SHROOM2: variants seen among roughly 807,000 people sequenced by gnomAD.
SHROOM2 encodes the protein protein Shroom2.
A neutral mutation model predicts 75.9 loss-of-function variants in SHROOM2; 33 were observed. That is an observed-to-expected ratio of 0.43 (90% CI 0.33 to 0.58). The LOEUF (loss-of-function observed/expected upper bound fraction) is 0.58, where lower values mean the gene tolerates loss of function less well. SHROOM2 is among the 20% of genes least tolerant of loss of function. The pLI is 0.04. For synonymous variants in SHROOM2, 655 were observed against 663.6 expected, an observed-to-expected ratio of 0.99 and a Z score of 0.20; for missense variants, 1,434 against 1,461.2, an observed-to-expected ratio of 0.98 and a Z score of 0.30.
At chrX:9,794,882 G>A (rs1035726476) in intron 1 of SHROOM2, among the ~76,000 whole-genome samples, 6 of 111,154 alleles carry the variant, frequency 5.4e-5, no homozygotes, top group African/African-American at 1.6e-4. Context: ...CAGACACACC[G>A]GGGGTCATCT....
At chrX:9,906,382 T>C (rs1235482816) in intron 5 of SHROOM2, among the ~76,000 whole-genome samples, 1 of 112,052 alleles carries the variant, frequency 8.9e-6, no homozygotes, top group East Asian at 2.8e-4. Context: ...TGCTGTGATA[T>C]ACTAAAAACT....
chrX:9,865,297 G>C (rs2084128721), intron 1 of SHROOM2: 1 of 111,684 alleles, frequency 9.0e-6, no homozygotes, highest in African/African-American at 3.3e-5. Context: ...TAAAAAACTT[G>C]CATTTACAAA....
intron 1 of SHROOM2, among the ~76,000 whole-genome samples, chrX:9,824,572 C>G (rs2083878638): frequency 8.9e-6 from 1 of 112,080 alleles, no homozygotes; most frequent in Non-Finnish European, 1.9e-5. Context: ...CTCTTCCTCC[C>G]CTCCCCACAA....
chrX:9,789,663 TG>T (rs1310200895), intron 1 of SHROOM2, among the ~76,000 whole-genome samples: 1 of 111,071 alleles, frequency 9.0e-6, no homozygotes, highest in Non-Finnish European at 1.9e-5. Context: ...CAAAGCTGTT[TG>T]GGGGATTCAT....
chrX:9,803,293 C>T (rs1295763247), intron 1 of SHROOM2, among the ~76,000 whole-genome samples: 2 of 111,251 alleles, frequency 1.8e-5, no homozygotes, highest in East Asian at 5.6e-4. Context: ...ACACTCAAGC[C>T]TATCTTACTG....
At chrX:9,801,516 T>C (rs767481040) in intron 1 of SHROOM2, among the ~76,000 whole-genome samples, 5 of 112,566 alleles carry the variant, frequency 4.4e-5, no homozygotes, top group Non-Finnish European at 9.4e-5. Context: ...CTGGTTCAAA[T>C]TGAGATATAC....
chrX:9,919,324 C>CTTTTTTTTT (rs55905923), intron 5 of SHROOM2, among the ~76,000 whole-genome samples: 3 of 32,456 alleles, frequency 9.2e-5, no homozygotes, highest in African/African-American at 4.0e-4. Flanking sequence ...GAGGAGGTTG[C>CTTTTTTTTT]TTTTTTTTTT....
At chrX:9,855,304 A>T (rs1490080631) in intron 1 of SHROOM2, among the ~76,000 whole-genome samples, 1 of 104,220 alleles carries the variant, frequency 9.6e-6, no homozygotes, top group African/African-American at 3.5e-5. Flanking sequence ...GTAAAAAAAA[A>T]AAAAAAAAAA....
At chrX:9,892,841 C>G (rs1197855846) in intron 3 of SHROOM2, among the ~76,000 whole-genome samples, 2 of 112,385 alleles carry the variant, frequency 1.8e-5, no homozygotes, top group Non-Finnish European at 3.8e-5. Flanking sequence ...ACAGCTTCTT[C>G]CTGTTGAAGG....
Position 9,848,445 on chromosome X carries a change from A to G in SHROOM2, c.166-25207A>G, listed in dbSNP as rs1027887882. On this transcript the variant is annotated intron_variant, in intron 1 of 9. Coordinates refer to ENST00000380913, the MANE Select transcript of SHROOM2 (RefSeq NM_001649.4). ...CGTGAACCCGGGAAGCGGAGCTTGC[A>G]GTGAGCCGAGATTGCGCCACTGCAG... 1.1e-4 allele frequency among the ~76,000 whole-genome samples: 10 copies of G among 87,155 alleles called. No individual in the cohort carries two copies. The Admixed American group carries it at 1.3e-3, about 11-fold the overall frequency. The allele number at this position is 87,155 out of a possible 115,157, so 75.7% of individuals were successfully genotyped here. A position where few individuals can be genotyped will look rare whatever the true frequency, so the allele number is the denominator to read the frequency against.
chrX:9,827,223 C>CTTT (rs397953893), intron 1 of SHROOM2, among the ~76,000 whole-genome samples: 3 of 60,153 alleles, frequency 5.0e-5, no homozygotes, highest in Admixed American at 2.7e-4. Context: ...TTTTCTTTTT[C>CTTT]TTTTTTTTTT....
At chrX:9,934,928 A>G (rs760910735) in intron 6 of SHROOM2, among the ~76,000 whole-genome samples, 14 of 110,630 alleles carry the variant, frequency 1.3e-4, no homozygotes, top group Admixed American at 3.9e-4. Context: ...ACCTGCCACC[A>G]CACCAGGCTG....
chrX:9,855,090 C>T (rs1242110418), intron 1 of SHROOM2, among the ~76,000 whole-genome samples: 1 of 104,708 alleles, frequency 9.6e-6, no homozygotes, highest in East Asian at 3.0e-4. Flanking sequence ...AAAAAAAAGG[C>T]ATCCTCATTG....
intron 1 of SHROOM2, among the ~76,000 whole-genome samples, chrX:9,868,223 TTTTTA>T (rs2146791941): frequency 9.4e-6 from 1 of 106,136 alleles, no homozygotes; most frequent in South Asian, 4.1e-4. Flanking sequence ...TTTATTTTTA[TTTTTA>T]TTTTTATTTT....
chrX:9,833,954 A>G (rs1029098774), intron 1 of SHROOM2, among the ~76,000 whole-genome samples: 2 of 111,467 alleles, frequency 1.8e-5, no homozygotes, highest in African/African-American at 6.5e-5. Context: ...AAGGAAGGAT[A>G]TGTTCCTCCC....
intron 5 of SHROOM2, among the ~76,000 whole-genome samples, chrX:9,917,502 TTTGTTGTTG>T (rs35611302): frequency 4.8e-5 from 4 of 84,181 alleles, no homozygotes; most frequent in Non-Finnish European, 8.0e-5. Flanking sequence ...ATTGTGGTTC[TTTGTTGTTG>T]TTGTTGTTGT....
intron 1 of SHROOM2, among the ~76,000 whole-genome samples, chrX:9,859,001 G>A (rs775916295): frequency 3.6e-5 from 4 of 111,530 alleles, no homozygotes; most frequent in Non-Finnish European, 5.7e-5. Flanking sequence ...ATCACCTGAG[G>A]TCGGGAGTTC....
chrX:9,917,232 T>C (rs183873053), intron 5 of SHROOM2, among the ~76,000 whole-genome samples: 32 of 112,180 alleles, frequency 2.9e-4, no homozygotes, highest in Non-Finnish European at 4.7e-4. Context: ...AGGACCTCTG[T>C]ACATTCTCGT....
chrX:9,789,597 T>TG (rs1480051987), intron 1 of SHROOM2, among the ~76,000 whole-genome samples: 1 of 110,932 alleles, frequency 9.0e-6, no homozygotes, highest in Non-Finnish European at 1.9e-5. Context: ...AAGTCTTCAG[T>TG]GGGGGGAGGG....
Sources: allele counts gnomAD v4.1 joint callset (sites outside exome capture counted in the v4.1 genomes callset), GRCh38; gene constraint gnomAD v4.1.1; transcripts MANE v1.5; gene names NCBI Gene and HGNC (gene_info 2026-07-23, HGNC 2026-07-21).